The following IGF2BP2 variants were observed in gnomAD, a reference collection of about 807,000 sequenced individuals.
IGF2BP2 encodes the protein insulin like growth factor 2 mRNA binding protein 2.
A neutral mutation model predicts 75.8 loss-of-function variants in IGF2BP2; 17 were observed. The ratio of observed to expected loss-of-function variants is 0.22; its 90% CI spans 0.15 to 0.34. The LOEUF is 0.34. IGF2BP2 is among the 10% of genes least tolerant of loss of function. The pLI is 1.00. For missense variants in IGF2BP2, 516 were observed against 772.4 expected (o/e 0.67, Z 3.93); for synonymous variants, 288 against 295.6 (o/e 0.97, Z 0.26).
At chr3:185,729,893 AGCAAG>A (rs1371642099) in intron 2 of IGF2BP2, 2 of 152,228 alleles carry the variant, frequency 1.3e-5, no homozygotes, top group African/African-American at 2.4e-5. Flanking sequence ...TCTTCTCTTA[AGCAAG>A]GCATCAGAGA....
chr3:185,678,542 T>G (rs60681050), intron 7 of IGF2BP2, among the ~76,000 whole-genome samples: 5 of 152,222 alleles, frequency 3.3e-5, no homozygotes, highest in Non-Finnish European at 7.3e-5. Context: ...TCTTGAATTT[T>G]TTAAGATTTG....
intron 15 of IGF2BP2, among the ~76,000 whole-genome samples, chr3:185,646,281 T>C (rs1264891254): frequency 6.6e-6 from 1 of 151,880 alleles, no homozygotes; most frequent in Non-Finnish European, 1.5e-5. Flanking sequence ...GGTGCGTGTG[T>C]GGGTGGCGGG....
At chr3:185,712,272 T>C (rs1724916835) in intron 2 of IGF2BP2, among the ~76,000 whole-genome samples, 1 of 152,192 alleles carries the variant, frequency 6.6e-6, no homozygotes, top group African/African-American at 2.4e-5. Flanking sequence ...TTTGCAATAA[T>C]CAATCATAAA....
intron 7 of IGF2BP2, among the ~76,000 whole-genome samples, chr3:185,680,883 A>T (rs911230679): frequency 6.6e-6 from 1 of 152,214 alleles, no homozygotes; most frequent in African/African-American, 2.4e-5. Context: ...TGACAAACTT[A>T]ACACCCTTTC....
chr3:185,698,346 T>C lies in IGF2BP2; in HGVS notation c.241A>G (p.Ser81Gly). Reference sequence around the variant, plus strand: ...ATGTTTCGAATCTGAATTTTCCTGCTCCTGTAAAGATAAAACCACAGACTA... The same window carrying C: ...ATGTTTCGAATCTGAATTTTCCTGCCCCTGTAAAGATAAAACCACAGACTA... ...VDYSVSKKLR[S>G]RKIQIRNIPP... The change falls in exon 3 of 16, where the codon AGC (serine) becomes GGC (glycine). Residue 81 changes from serine to glycine, a missense_variant and splice_region_variant. Ser to Gly is a moderately conservative substitution (Grantham distance 56). Transcript: ENST00000382199. 6.2e-7 allele frequency: 1 copy of C among 1,613,942 alleles called. No homozygotes were observed. The highest frequency in any genetic ancestry group is 1.1e-5 in the South Asian group (1 of 91,066).
chr3:185,794,389 T>C (rs984343323), intron 2 of IGF2BP2, among the ~76,000 whole-genome samples: 4 of 86,984 alleles, frequency 4.6e-5, no homozygotes, highest in Non-Finnish European at 9.4e-5. Flanking sequence ...CTCACAGAAT[T>C]CTAGAACAGA....
intron 2 of IGF2BP2, among the ~76,000 whole-genome samples, chr3:185,752,781 G>C (rs1731129691): frequency 6.6e-6 from 1 of 152,080 alleles, no homozygotes; most frequent in African/African-American, 2.4e-5. Flanking sequence ...ATTTTGGGTA[G>C]AGACAGGGTT....
intron 2 of IGF2BP2, among the ~76,000 whole-genome samples, chr3:185,817,968 C>A (rs1347324195): frequency 1.3e-5 from 2 of 152,140 alleles, no homozygotes; most frequent in Non-Finnish European, 2.9e-5. Context: ...TTAGCTTAGC[C>A]AAGCCCACTA....
In IGF2BP2 at chr3:185,682,354, C is replaced by T. The variant is rs114731639; in HGVS notation, c.812+4703G>A. Among the ~76,000 whole-genome samples the T allele has an allele frequency of 1.8e-3, 281 of 152,226 alleles. 1 individual carries two copies. Among genetic ancestry groups the T allele is most frequent in the African/African-American group, 6.6e-3 (274 of 41,526 alleles). On this transcript the variant is annotated intron_variant, in intron 7 of 15. Transcript: ENST00000382199. Reference sequence around the variant, plus strand: ...TTAGTGGGTTGAGGGATAGTTTGGACCTATTTCTTCTCTCTGTCTCTTGCA... The same window carrying T: ...TTAGTGGGTTGAGGGATAGTTTGGATCTATTTCTTCTCTCTGTCTCTTGCA...
At chr3:185,772,541 T>C (rs896190742) in intron 2 of IGF2BP2, among the ~76,000 whole-genome samples, 1 of 151,776 alleles carries the variant, frequency 6.6e-6, no homozygotes, top group African/African-American at 2.4e-5. Context: ...TACAATGGGA[T>C]AATCCCTATA....
At chr3:185,799,200 G>A (rs1737850668) in intron 2 of IGF2BP2, among the ~76,000 whole-genome samples, 1 of 151,814 alleles carries the variant, frequency 6.6e-6, no homozygotes, top group Non-Finnish European at 1.5e-5. Flanking sequence ...AGGAGTATGA[G>A]ACCAGCCCAG....
rs1442583746 is a variant in IGF2BP2, at chr3:185,643,176, G to A, written c.*2355C>T. Among the ~76,000 whole-genome samples the A allele has an allele frequency of 6.6e-6, 1 of 152,216 alleles. No individual in the cohort carries two copies. The highest frequency in any genetic ancestry group is 1.5e-5 in the Non-Finnish European group (1 of 68,050). Reference sequence around the variant, plus strand: ...TTGCAAAGTTCGCTTTACTGTGGTGGTCTGGAACTGAACCTGCGACGTTCC... The same window carrying A: ...TTGCAAAGTTCGCTTTACTGTGGTGATCTGGAACTGAACCTGCGACGTTCC... On this transcript the variant is annotated 3_prime_UTR_variant, in exon 16 of 16. Transcript: ENST00000382199.
intron 2 of IGF2BP2, among the ~76,000 whole-genome samples, chr3:185,798,171 T>C (rs1259924974): frequency 6.6e-6 from 1 of 152,000 alleles, no homozygotes; most frequent in Non-Finnish European, 1.5e-5. Context: ...ACTGCACTCC[T>C]GGGCAGAAGA....
intron 3 of IGF2BP2, 61 bp from the exon 4 acceptor site, chr3:185,696,724 A>G: frequency 3.9e-6 from 5 of 1,287,482 alleles, no homozygotes; most frequent in Non-Finnish European, 4.5e-6. Flanking sequence ...AAAAAATACT[A>G]CAGTGATATA....
rs568053766 is a variant in IGF2BP2 at position 185,649,554 on chromosome 3, C to T, written c.1462-20G>A. 1 of 1,613,582 alleles carries T rather than the reference C, an allele frequency of 6.2e-7. No individual in the cohort carries two copies. The highest frequency in any genetic ancestry group is 1.1e-5 in the South Asian group (1 of 90,954). ...CTGGGCCTGAGAGAGCAAGACATGA[C>T]TAATGACTCTCAGTCAGCCAGCAGC... On this transcript the variant is annotated intron_variant, in intron 13 of 15. Coordinates refer to ENST00000382199, the MANE Select transcript of IGF2BP2 (RefSeq NM_006548.6).
intron 2 of IGF2BP2, among the ~76,000 whole-genome samples, chr3:185,741,610 T>C (rs1181405797): frequency 2.0e-5 from 3 of 152,264 alleles, no homozygotes; most frequent in African/African-American, 7.2e-5. Flanking sequence ...GGATTACAGA[T>C]AAGGAGAACT....
chr3:185,794,731 G>A (rs1262188032), intron 2 of IGF2BP2, among the ~76,000 whole-genome samples: 1 of 150,674 alleles, frequency 6.6e-6, no homozygotes, highest in Non-Finnish European at 1.5e-5. Context: ...GTACATTCAT[G>A]CCATTGTGTA....
chr3:185,664,036 C>T (rs1029459289), intron 10 of IGF2BP2, among the ~76,000 whole-genome samples: 13 of 152,170 alleles, frequency 8.5e-5, no homozygotes, highest in South Asian at 8.3e-4. Flanking sequence ...GAAGGGGCGA[C>T]GACTTGGCCG....
At chr3:185,688,450 C>G (rs1721454232) in intron 6 of IGF2BP2, among the ~76,000 whole-genome samples, 1 of 152,212 alleles carries the variant, frequency 6.6e-6, no homozygotes, top group African/African-American at 2.4e-5. Context: ...TCAAGTGATT[C>G]TCCTGCCTCA....
Sources: gnomAD v4.1 joint callset for allele counts (sites outside exome capture counted in the v4.1 genomes callset) on GRCh38, gnomAD v4.1.1 for gene constraint, MANE v1.5 for transcripts, NCBI Gene and HGNC (gene_info 2026-07-23, HGNC 2026-07-21) for gene names.